Variants in KCND3 observed in about 807,000 individuals in gnomAD.
KCND3 encodes the protein A-type voltage-gated potassium channel KCND3.
In KCND3, 9 loss-of-function variants were observed where a neutral mutation model predicts 51.1. The observed-to-expected ratio is 0.18, with a 90% CI of 0.11 to 0.31. The LOEUF (loss-of-function observed/expected upper bound fraction) is 0.31. Among genes scored for constraint, KCND3 ranks in the 10% least tolerant of loss-of-function variants. The pLI is 1.00. For missense variants in KCND3, 526 were observed against 903.8 expected (o/e 0.58, Z 5.36); for synonymous variants, 349 against 368.0 (o/e 0.95, Z 0.59).
intron 2 of KCND3, among the ~76,000 whole-genome samples, chr1:111,836,793 T>A (rs1667089433): frequency 1.3e-5 from 2 of 152,170 alleles, no homozygotes; most frequent in South Asian, 4.2e-4. Flanking sequence ...TTTCCCAAGA[T>A]CCCACCTCTG....
At chr1:111,781,302 A>G (rs1664372207) in intron 3 of KCND3, among the ~76,000 whole-genome samples, 1 of 152,016 alleles carries the variant, frequency 6.6e-6, no homozygotes, top group South Asian at 2.1e-4. Context: ...CTCCTCTGCA[A>G]TTTTTTTCTT....
rs1302028062 is a variant in KCND3 at position 111,772,934 on chromosome 1, T to G, written c.*3143A>C. The G allele has an allele frequency of 6.6e-6, 1 of 152,224 alleles. No individual in the cohort carries two copies. Among genetic ancestry groups the G allele is most frequent in the African/African-American group, 2.4e-5 (1 of 41,454 alleles). 9.4% of individuals were successfully genotyped at this position (152,224 alleles called of 1,614,324 possible). On this transcript the variant is annotated 3_prime_UTR_variant, in exon 8 of 8. Transcript: ENST00000302127. ...GGTTTTTCAGTCACTGGCCAATGAGTTAGACTTATGAAACCAATTCAGCAT... is the reference window on the plus strand; with the variant it reads ...GGTTTTTCAGTCACTGGCCAATGAGGTAGACTTATGAAACCAATTCAGCAT...
chr1:111,820,582 G>C (rs1320463107), intron 2 of KCND3, among the ~76,000 whole-genome samples: 3 of 152,182 alleles, frequency 2.0e-5, no homozygotes, highest in African/African-American at 7.2e-5. Context: ...TGGCTCTAAA[G>C]TTTTTGCTTC....
rs1201775143 is a variant in KCND3, at chr1:111,775,817, C to T, written c.*260G>A. On this transcript the variant is annotated 3_prime_UTR_variant, in exon 8 of 8. Coordinates refer to ENST00000302127, the MANE Select transcript of KCND3 (RefSeq NM_001378969.1). ...TAGCCTATATCCCCCGGCCTATCCC[C>T]GACCCCCCCACCCTCCCTCCCTTCC... 1.6e-5 allele frequency: 3 copies of T among 188,714 alleles called. No individual in the cohort carries two copies. The highest frequency in any genetic ancestry group is 5.8e-5 in the Admixed American group (1 of 17,154). The allele number at this position is 188,714 out of a possible 1,614,324, so 11.7% of individuals were successfully genotyped here.
At chr1:111,858,338 T>G (rs999853293) in intron 2 of KCND3, among the ~76,000 whole-genome samples, 1 of 152,196 alleles carries the variant, frequency 6.6e-6, no homozygotes, top group African/African-American at 2.4e-5. Context: ...CTGTAAAAGG[T>G]GAGTAAGTTC....
rs1369153778 is a variant in KCND3 at position 111,773,274 on chromosome 1, AG to A, written c.*2802del. 6.6e-6 allele frequency: 1 copy of A among 152,224 alleles called. No homozygotes were observed. Among genetic ancestry groups the A allele is most frequent in the East Asian group, 1.9e-4 (1 of 5,200 alleles). The allele number at this position is 152,224 out of a possible 1,614,324, so 9.4% of individuals were successfully genotyped here. On this transcript the variant is annotated 3_prime_UTR_variant, in exon 8 of 8. Coordinates refer to ENST00000302127, the MANE Select transcript of KCND3 (RefSeq NM_001378969.1). ...ACATTTATTAATTTTTGTGGGAACCAGTAAAATGTTCCCTTGGTGCCCTATC... is the reference window on the plus strand; with the variant it reads ...ACATTTATTAATTTTTGTGGGAACCATAAAATGTTCCCTTGGTGCCCTATC...
chr1:111,786,859 T>C, intron 3 of KCND3, 85 bp downstream of exon 3: 2 of 1,521,198 alleles, frequency 1.3e-6, no homozygotes, highest in East Asian at 2.3e-5. Flanking sequence ...GCAGTGATCC[T>C]GTGAGGAGCT....
At chr1:111,965,489 C>CACACACACACACAT (rs1553184421) in intron 2 of KCND3, among the ~76,000 whole-genome samples, 1 of 150,056 alleles carries the variant, frequency 6.7e-6, no homozygotes, top group Non-Finnish European at 1.5e-5. Context: ...CACACACACA[C>CACACACACACACAT]GCCAGGAGCA....
At chr1:111,967,160 CAAAAAA>C (rs573768056) in intron 2 of KCND3, among the ~76,000 whole-genome samples, 1 of 134,798 alleles carries the variant, frequency 7.4e-6, no homozygotes, top group African/African-American at 2.7e-5. Context: ...AAAACAAAAA[CAAAAAA>C]AAAAACAAAA....
chr1:111,857,925 T>C (rs1308044531), intron 2 of KCND3, among the ~76,000 whole-genome samples: 3 of 152,204 alleles, frequency 2.0e-5, no homozygotes, highest in African/African-American at 7.2e-5. Flanking sequence ...GAACACCTAC[T>C]GTGTACCAGG....
At chr1:111,805,346 CGCCACAACCTGGAT>C (rs1039141009) in intron 2 of KCND3, among the ~76,000 whole-genome samples, 5 of 152,194 alleles carry the variant, frequency 3.3e-5, no homozygotes, top group Admixed American at 2.6e-4. Context: ...AGAGATCCAC[CGCCACAACCTGGAT>C]GCCACAACCT....
intron 2 of KCND3, among the ~76,000 whole-genome samples, chr1:111,789,208 C>T (rs1664729357): frequency 6.6e-6 from 1 of 152,146 alleles, no homozygotes; most frequent in Non-Finnish European, 1.5e-5. Flanking sequence ...ATTGCTTCAT[C>T]CATATGAAGA....
chr1:111,782,341 C>G (rs1420783937), intron 3 of KCND3, among the ~76,000 whole-genome samples: 2 of 152,040 alleles, frequency 1.3e-5, no homozygotes, highest in African/African-American at 4.8e-5. Flanking sequence ...AGGACTTGAG[C>G]CTGAAAGATC....
chr1:111,931,967 A>T (rs1248090905), intron 2 of KCND3, among the ~76,000 whole-genome samples: 1 of 152,192 alleles, frequency 6.6e-6, no homozygotes, highest in African/African-American at 2.4e-5. Context: ...CTTCAGCACC[A>T]CCAACGTATA....
intron 2 of KCND3, among the ~76,000 whole-genome samples, chr1:111,820,777 A>T (rs937330001): frequency 1.3e-5 from 2 of 152,170 alleles, no homozygotes; most frequent in Admixed American, 6.5e-5. Context: ...GTTGGCCCTA[A>T]CCCAATTACT....
intron 2 of KCND3, among the ~76,000 whole-genome samples, chr1:111,889,201 A>C (rs1048557924): frequency 5.3e-5 from 8 of 152,202 alleles, no homozygotes. Flanking sequence ...CCATAAGTGA[A>C]CAGAGGCCTG....
intron 2 of KCND3, among the ~76,000 whole-genome samples, chr1:111,851,915 G>A (rs570379256): frequency 7.9e-5 from 12 of 152,322 alleles, no homozygotes; most frequent in African/African-American, 2.4e-4. Context: ...TGTTTACCAC[G>A]ACAGCCAGCA....
rs1674935858 is a variant in KCND3, at chr1:111,981,336, A to C, written c.1106+285T>G. ...ACATCACCTCACCCCGAGACTTCAC[A>C]CGCACACAAGGCATGGCTGAAAAAA... On this transcript the variant is annotated intron_variant, in intron 2 of 7. Transcript: ENST00000302127. This position sits in a 1 kb window ranked among gnomAD's most constrained non-coding sequence, Gnocchi z 6.2. Among the ~76,000 whole-genome samples the C allele has an allele frequency of 6.6e-6, 1 of 152,100 alleles. No individual in the cohort carries two copies. Among genetic ancestry groups the C allele is most frequent in the African/African-American group, 2.4e-5 (1 of 41,410 alleles).
intron 2 of KCND3, chr1:111,911,052 C>G (rs1249638857): frequency 6.6e-6 from 1 of 152,200 alleles, no homozygotes; most frequent in Non-Finnish European, 1.5e-5. Context: ...AAAGAATGTA[C>G]ATTAGGAAGC....
Sources: gnomAD v4.1 joint callset for allele counts (sites outside exome capture counted in the v4.1 genomes callset) on GRCh38, gnomAD v4.1.1 for gene constraint, Gnocchi (gnomAD v3.1) non-coding constraint, MANE v1.5 for transcripts, NCBI Gene and HGNC (gene_info 2026-07-23, HGNC 2026-07-21) for gene names.